Variants in SASH1 observed in about 807,000 individuals in gnomAD.
The protein encoded by SASH1 is SAM and SH3 domain-containing protein 1.
A neutral mutation model predicts 125.2 loss-of-function variants in SASH1; 44 were observed. The observed-to-expected ratio is 0.35, with a 90% CI of 0.28 to 0.45. The LOEUF is 0.45. SASH1 is among the 20% of genes least tolerant of loss of function. SASH1 has a pLI of 1.00. For synonymous variants in SASH1, 639 were observed against 649.1 expected (o/e 0.98, Z 0.24); for missense variants, 1,426 against 1,614.5 (o/e 0.88, Z 2.00).
At chr6:148,302,586 A>C (rs1484813865) in intron 1 of SASH1, among the ~76,000 whole-genome samples, 1 of 73,986 alleles carries the variant, frequency 1.4e-5, no homozygotes, top group Non-Finnish European at 2.6e-5. Context: ...TGCAGAAATT[A>C]TGCACACATA....
chr6:148,296,597 G>T (rs765088692), intron 1 of SASH1, among the ~76,000 whole-genome samples: 1 of 152,226 alleles, frequency 6.6e-6, no homozygotes. Flanking sequence ...AGGCTCAATA[G>T]GATAGAGTGA....
the SASH1 span, among the ~76,000 whole-genome samples, chr6:148,265,709 C>A: frequency 6.6e-6 from 1 of 152,160 alleles, no homozygotes; most frequent in Non-Finnish European, 1.5e-5. Flanking sequence ...GACCCCACAG[C>A]TAAAAAAAGC....
At chr6:148,348,710 A>T (rs1177315020) in intron 1 of SASH1, among the ~76,000 whole-genome samples, 1 of 152,176 alleles carries the variant, frequency 6.6e-6, no homozygotes, top group East Asian at 1.9e-4. Context: ...CCTGAAACTG[A>T]CTTCCATTTG....
At chr6:148,212,734 C>G in the SASH1 span, among the ~76,000 whole-genome samples, 4 of 152,206 alleles carry the variant, frequency 2.6e-5, no homozygotes, top group Non-Finnish European at 5.9e-5. Context: ...GTCATGCACT[C>G]ACTTCCTCAT....
chr6:148,450,096 A>G (rs1457060084), intron 4 of SASH1, among the ~76,000 whole-genome samples: 1 of 151,984 alleles, frequency 6.6e-6, no homozygotes, highest in Non-Finnish European at 1.5e-5. Context: ...CCATACCCAA[A>G]CTATAGCACT....
intron 1 of SASH1, among the ~76,000 whole-genome samples, chr6:148,325,622 C>T (rs983876555): frequency 2.6e-5 from 4 of 152,018 alleles, no homozygotes; most frequent in Admixed American, 2.0e-4. Flanking sequence ...CTCACCATCA[C>T]GAGAATAGCA....
chr6:148,430,476 C>T (rs1049920198), intron 2 of SASH1, among the ~76,000 whole-genome samples: 16 of 152,130 alleles, frequency 1.1e-4, no homozygotes, highest in African/African-American at 3.4e-4. Context: ...GGATTATAGG[C>T]GCATGCCACC....
At chr6:148,216,368 T>C in the SASH1 span, among the ~76,000 whole-genome samples, 2 of 152,136 alleles carry the variant, frequency 1.3e-5, no homozygotes, top group Non-Finnish European at 1.5e-5. Flanking sequence ...TTCGTTGTGC[T>C]TGTGCAGATT....
At chr6:148,393,668 G>A in intron 2 of SASH1, 2 of 981,928 alleles carry the variant, frequency 2.0e-6, no homozygotes, top group Non-Finnish European at 2.4e-6. Context: ...CAAACAGATG[G>A]GGCTAATTTG....
At chr6:148,389,534 A>G (rs1373871524) in intron 1 of SASH1, among the ~76,000 whole-genome samples, 5 of 152,250 alleles carry the variant, frequency 3.3e-5, no homozygotes, top group Admixed American at 3.3e-4. Flanking sequence ...CTAATGACTA[A>G]ATGAATAAAA....
intron 10 of SASH1, among the ~76,000 whole-genome samples, chr6:148,521,013 A>G (rs1318772461): frequency 6.6e-6 from 1 of 152,248 alleles, no homozygotes; most frequent in Non-Finnish European, 1.5e-5. Flanking sequence ...CCTAGCCTAT[A>G]GATTCTTCTG....
At chr6:148,229,408 T>G in the SASH1 span, among the ~76,000 whole-genome samples, 1 of 152,164 alleles carries the variant, frequency 6.6e-6, no homozygotes, top group African/African-American at 2.4e-5. Context: ...ATTTTTAAAT[T>G]AACATTCGGG....
chr6:148,502,230 A>T (rs182828132), intron 8 of SASH1, among the ~76,000 whole-genome samples: 1 of 152,198 alleles, frequency 6.6e-6, no homozygotes, highest in East Asian at 1.9e-4. Context: ...ATGGAATCTC[A>T]TCTTTTTTTT....
chr6:148,413,325 CT>C (rs1784697612), intron 2 of SASH1, among the ~76,000 whole-genome samples: 1 of 151,982 alleles, frequency 6.6e-6, no homozygotes, highest in African/African-American at 2.4e-5. Flanking sequence ...AGCAAAGACA[CT>C]AAGTGTAGAA....
intron 4 of SASH1, among the ~76,000 whole-genome samples, chr6:148,463,816 G>A (rs116835823): frequency 0.021 from 3,201 of 152,240 alleles, 138 homozygotes; most frequent in African/African-American, 0.072. Context: ...TTCCCCATCT[G>A]GGGAAGTGAA....
chr6:148,233,742 C>CAAAAAAAAAAAAAAAAAAAAAAAAAAAAA, the SASH1 span, among the ~76,000 whole-genome samples: 54 of 60,522 alleles, frequency 8.9e-4, 8 homozygotes, highest in Admixed American at 1.5e-3. Flanking sequence ...TTCCTCTCTA[C>CAAAAAAAAAAAAAAAAAAAAAAAAAAAAA]AAAAAAAAAA....
In SASH1 at chr6:148,387,539, TTTC is replaced by T. The variant is rs577525124; in HGVS notation, c.157-2592_157-2590del. ...TCCTTCTTTCTTTCTTTCTTCTTTC[TTTC>T]TTTTCTTTTCCTTTCTTTCTTTTCT... On this transcript the variant is annotated intron_variant, in intron 1 of 19. Coordinates refer to ENST00000367467, the MANE Select transcript of SASH1 (RefSeq NM_015278.5). Among the ~76,000 whole-genome samples the T allele has an allele frequency of 6.9e-5, 10 of 145,628 alleles. 1 individual carries two copies. Among genetic ancestry groups the T allele is most frequent in the East Asian group, 3.9e-4 (2 of 5,164 alleles).
At chr6:148,298,861 G>T (rs1779854037) in intron 1 of SASH1, among the ~76,000 whole-genome samples, 1 of 118,142 alleles carries the variant, frequency 8.5e-6, no homozygotes, top group African/African-American at 3.3e-5. Flanking sequence ...GGAAGGGAAG[G>T]AGGGAGGGAA....
At chr6:148,286,798 A>G (rs1472647908) in intron 1 of SASH1, among the ~76,000 whole-genome samples, 1 of 152,186 alleles carries the variant, frequency 6.6e-6, no homozygotes, top group Non-Finnish European at 1.5e-5. Flanking sequence ...GTAGGGTTAC[A>G]GCATATAAAT....
Sources: gnomAD v4.1 joint callset for allele counts (sites outside exome capture counted in the v4.1 genomes callset) on GRCh38, gnomAD v4.1.1 for gene constraint, MANE v1.5 for transcripts, NCBI Gene and HGNC (gene_info 2026-07-23, HGNC 2026-07-21) for gene names.